Variants in RSF1 observed in about 807,000 individuals in gnomAD.
RSF1 encodes remodeling and spacing factor 1.
Under a neutral mutation model 145.2 loss-of-function variants are expected in RSF1, and 13 were observed. The observed-to-expected ratio is 0.09, with a 90% confidence interval of 0.06 to 0.14. RSF1 has a LOEUF of 0.14. RSF1 is among the 10% of genes least tolerant of loss of function. The pLI, the probability that RSF1 is intolerant of heterozygous loss-of-function variation, is 1.00. For synonymous variants in RSF1, 577 were observed against 592.6 expected (o/e 0.97, Z 0.38); for missense variants, 1,517 against 1,718.2 (o/e 0.88, Z 2.07).
chr11:77,671,197 G>GTATA lies in RSF1; in HGVS notation c.3751+841_3751+844dup, dbSNP rs1194844591. 1.8e-3 allele frequency among the ~76,000 whole-genome samples: 162 copies of GTATA among 87,960 alleles called. 5 individuals carry two copies. Among genetic ancestry groups the GTATA allele is most frequent in the Middle Eastern group, 0.016 (2 of 128 alleles). 57.7% of individuals were successfully genotyped at this position (87,960 alleles called of 152,430 possible). On this transcript the variant is annotated intron_variant, in intron 15 of 15. Coordinates refer to ENST00000308488, the MANE Select transcript of RSF1 (RefSeq NM_016578.4). ...TATATATTTATATGTATATATGTGT[G>GTATA]TATATATATATACACTATATATATA...
chr11:77,705,863 C>CA (rs1294801997), intron 5 of RSF1, among the ~76,000 whole-genome samples: 6 of 151,490 alleles, frequency 4.0e-5, no homozygotes, highest in Non-Finnish European at 8.8e-5. Context: ...AAAAAAAAAC[C>CA]AAAAAAACAA....
chr11:77,810,808 CA>C (rs1212914904), intron 1 of RSF1, among the ~76,000 whole-genome samples: 1 of 152,170 alleles, frequency 6.6e-6, no homozygotes, highest in African/African-American at 2.4e-5. Flanking sequence ...AATGTATTTT[CA>C]AAAACAGAGA....
chr11:77,828,037 G>C, the RSF1 span, among the ~76,000 whole-genome samples: 1 of 152,110 alleles, frequency 6.6e-6, no homozygotes, highest in Non-Finnish European at 1.5e-5. Context: ...ACTTTGGGAG[G>C]CGAGGTAGGT....
chr11:77,825,141 C>T (rs1396034788), upstream of RSF1, among the ~76,000 whole-genome samples: 1 of 151,930 alleles, frequency 6.6e-6, no homozygotes, highest in African/African-American at 2.4e-5. Flanking sequence ...CCACCATGCC[C>T]GGCTAATTTT....
chr11:77,829,981 T>C, the RSF1 span: 1 of 152,110 alleles, frequency 6.6e-6, no homozygotes, highest in Non-Finnish European at 1.5e-5. Flanking sequence ...AATTCTTTTT[T>C]ATAGCCAGAC....
intron 3 of RSF1, 26 bp from the exon 4 acceptor site, chr11:77,740,962 A>G: frequency 2.0e-6 from 3 of 1,486,450 alleles, no homozygotes; most frequent in Non-Finnish European, 1.9e-6. Flanking sequence ...AACATGACTT[A>G]AAATACCTCA....
the RSF1 span, among the ~76,000 whole-genome samples, chr11:77,869,472 C>T: frequency 6.8e-6 from 1 of 146,982 alleles, no homozygotes; most frequent in Admixed American, 6.8e-5. Flanking sequence ...AGCCACCACA[C>T]CCAGCTAAGT....
At chr11:77,734,960 G>A (rs569727632) in intron 4 of RSF1, 34 of 1,596,478 alleles carry the variant, frequency 2.1e-5, no homozygotes, top group Middle Eastern at 1.7e-4. Context: ...TTGATCTGGC[G>A]GTTGATGGCG....
At chr11:77,806,919 A>G (rs1476921209) in intron 1 of RSF1, among the ~76,000 whole-genome samples, 2 of 152,256 alleles carry the variant, frequency 1.3e-5, no homozygotes, top group African/African-American at 4.8e-5. Context: ...TTTGAAATAC[A>G]TGACACATTC....
intron 5 of RSF1, among the ~76,000 whole-genome samples, chr11:77,705,004 G>T (rs1172495683): frequency 6.6e-6 from 1 of 152,086 alleles, no homozygotes; most frequent in Admixed American, 6.5e-5. Context: ...GCCCACCTTG[G>T]CCTCCCAAAA....
chr11:77,842,328 A>T, the RSF1 span: 1 of 694,004 alleles, frequency 1.4e-6, no homozygotes, highest in Non-Finnish European at 2.3e-6. Context: ...AATAATAGTT[A>T]CTTTTTAGAC....
chr11:77,670,409 T>C (rs1959489574), intron 15 of RSF1, among the ~76,000 whole-genome samples: 1 of 152,164 alleles, frequency 6.6e-6, no homozygotes, highest in South Asian at 2.1e-4. Flanking sequence ...TAGTGAGGAT[T>C]TCCTTAGTAT....
chr11:77,838,669 T>C, the RSF1 span, among the ~76,000 whole-genome samples: 4 of 148,698 alleles, frequency 2.7e-5, no homozygotes. Context: ...CAGGCCAGAC[T>C]GCAGTGGCAT....
At chr11:77,816,705 T>A (rs1005108037) in intron 1 of RSF1, among the ~76,000 whole-genome samples, 3 of 152,202 alleles carry the variant, frequency 2.0e-5, no homozygotes, top group African/African-American at 7.2e-5. Context: ...GAAAGATACT[T>A]AGGAGCCTTG....
At chr11:77,829,743 T>A in the RSF1 span, 5 of 152,168 alleles carry the variant, frequency 3.3e-5, no homozygotes, top group East Asian at 9.7e-4. Context: ...AAAGGAAAAA[T>A]AAATTAATAG....
At chr11:77,833,009 A>ATATAT in the RSF1 span, among the ~76,000 whole-genome samples, 10 of 60,022 alleles carry the variant, frequency 1.7e-4, 1 homozygote, top group African/African-American at 6.3e-4. Flanking sequence ...ATATATATAT[A>ATATAT]TTTTTTTTTT....
At chr11:77,833,120 C>T in the RSF1 span, among the ~76,000 whole-genome samples, 1 of 149,368 alleles carries the variant, frequency 6.7e-6, no homozygotes, top group Non-Finnish European at 1.5e-5. Context: ...AAGCAATTCT[C>T]CTGCCTCGGC....
chr11:77,701,405 T>G lies in RSF1; in HGVS notation c.1824A>C (p.Glu608Asp). ...ACTCTAGAGTACTCTTTGGAACTTC[T>G]TCTGGTATTGGACTCAATCTTTGTG... Reference protein sequence around the residue: ...KDAQRLSPIPEEVPKSTLESE... With the variant: ...KDAQRLSPIPDEVPKSTLESE... The change falls in exon 6 of 16, where the codon GAA becomes GAC. Residue 608 changes from glutamate to aspartate, a missense_variant. This residue lies in a region of RSF1 where 579 missense variants were observed against 553.5 expected (regional missense o/e 1.05). Coordinates refer to ENST00000308488, the MANE Select transcript of RSF1 (RefSeq NM_016578.4). The G allele has an allele frequency of 6.2e-7, 1 of 1,614,090 alleles. No individual in the cohort carries two copies. The highest frequency in any genetic ancestry group is 8.5e-7 in the Non-Finnish European group (1 of 1,180,020).
At chr11:77,732,665 G>A (rs948478815) in intron 4 of RSF1, among the ~76,000 whole-genome samples, 7 of 152,116 alleles carry the variant, frequency 4.6e-5, no homozygotes, top group African/African-American at 1.7e-4. Context: ...TTAAAAACAG[G>A]AGTTCCCTGC....
Sources: gnomAD v4.1 joint callset for allele counts (sites outside exome capture counted in the v4.1 genomes callset) on GRCh38, gnomAD v4.1.1 for gene constraint, gnomAD v4.1.1 regional missense constraint, MANE v1.5 for transcripts, NCBI Gene and HGNC (gene_info 2026-07-23, HGNC 2026-07-21) for gene names.